Variants in TENM1 observed in about 807,000 individuals in gnomAD.
The protein encoded by TENM1 is teneurin transmembrane protein 1, also known as teneurin-1.
Under a neutral mutation model 174.8 loss-of-function variants are expected in TENM1, and 35 were observed. The observed-to-expected ratio is 0.20, with a 90% CI of 0.15 to 0.27. TENM1 has a LOEUF of 0.27. TENM1 is among the 10% of genes least tolerant of loss of function. The pLI, the probability that TENM1 is intolerant of heterozygous loss-of-function variation, is 1.00. For synonymous variants in TENM1, 781 were observed against 798.7 expected (o/e 0.98, Z 0.37); for missense variants, 1,633 against 2,130.1 (o/e 0.77, Z 4.59).
At position 124,618,957 on chromosome X, in the gene TENM1, C is replaced by T. The variant is rs187414869; in HGVS notation, c.2077+22834G>A. On this transcript the variant is annotated intron_variant, in intron 11 of 31. Transcript: ENST00000422452. Reference sequence around the variant, plus strand: ...AGCTAGCAGGGTATGGTGGAGCACACTTGTAGTCCTAGCTACTCAGGAGGC... The same window carrying T: ...AGCTAGCAGGGTATGGTGGAGCACATTTGTAGTCCTAGCTACTCAGGAGGC... 1.4e-4 allele frequency among the ~76,000 whole-genome samples: 16 copies of T among 111,384 alleles called. No individual in the cohort carries two copies. In the East Asian group the frequency reaches 3.9e-3, roughly 27 times the overall value.
the TENM1 span, among the ~76,000 whole-genome samples, chrX:125,114,300 G>A: frequency 6.8e-4 from 76 of 111,604 alleles, no homozygotes; most frequent in African/African-American, 2.4e-3. Context: ...ATGCCCACAG[G>A]AGAAAGCAGA....
chrX:124,434,009 G>C (rs1331064804), intron 23 of TENM1, among the ~76,000 whole-genome samples: 1 of 111,861 alleles, frequency 8.9e-6, no homozygotes, highest in Non-Finnish European at 1.9e-5. Context: ...GAATTCCCAA[G>C]TCTCTTTCAG....
chrX:124,553,843 G>A (rs999893205), intron 14 of TENM1, among the ~76,000 whole-genome samples: 10 of 111,599 alleles, frequency 9.0e-5, no homozygotes, highest in African/African-American at 2.9e-4. Context: ...GGTGGCTTAC[G>A]CCTGTAATCC....
chrX:124,499,849 T>C (rs987605571), intron 19 of TENM1, among the ~76,000 whole-genome samples: 3 of 112,043 alleles, frequency 2.7e-5, no homozygotes, highest in Admixed American at 9.5e-5. Flanking sequence ...TGTCAGTATT[T>C]CAGCAATGCA....
the TENM1 span, among the ~76,000 whole-genome samples, chrX:124,980,659 A>T: frequency 1.8e-5 from 2 of 111,748 alleles, no homozygotes; most frequent in African/African-American, 6.5e-5. Flanking sequence ...AAATGAAAAA[A>T]TGTTAATATT....
intron 3 of TENM1, among the ~76,000 whole-genome samples, chrX:124,841,132 C>G (rs1317835483): frequency 9.0e-6 from 1 of 111,662 alleles, no homozygotes; most frequent in African/African-American, 3.2e-5. Flanking sequence ...TAACTCGATA[C>G]TTTTTACTAA....
the TENM1 span, among the ~76,000 whole-genome samples, chrX:125,133,703 G>A: frequency 8.9e-6 from 1 of 111,783 alleles, no homozygotes. Flanking sequence ...TCCCAGTTGA[G>A]ACCAGTATAG....
intron 11 of TENM1, among the ~76,000 whole-genome samples, chrX:124,580,270 C>A (rs1292123128): frequency 9.0e-6 from 1 of 110,846 alleles, no homozygotes; most frequent in Non-Finnish European, 1.9e-5. Flanking sequence ...TACTATTCAA[C>A]CTTAAAAAAG....
chrX:124,757,544 G>A (rs993576714), intron 3 of TENM1, among the ~76,000 whole-genome samples: 8 of 112,427 alleles, frequency 7.1e-5, no homozygotes, highest in South Asian at 7.3e-4. Context: ...AGATGAACCC[G>A]GTACCTCTGA....
exon 4 of TENM1, chrX:124,737,062 C>T (rs766565169): frequency 1.2e-5 from 15 of 1,209,236 alleles, no homozygotes; most frequent in South Asian, 7.1e-5. Context: ...GGGCTGGCTG[C>T]GGGTAGTCAT....
intron 1 of TENM1, among the ~76,000 whole-genome samples, chrX:124,943,813 T>G (rs886262149): frequency 6.2e-5 from 7 of 112,102 alleles, no homozygotes; most frequent in Non-Finnish European, 1.3e-4. Flanking sequence ...AATTGTTTAC[T>G]TTTATTATTT....
At chrX:124,461,960 G>A (rs974600481) in intron 22 of TENM1, among the ~76,000 whole-genome samples, 27 of 111,618 alleles carry the variant, frequency 2.4e-4, no homozygotes, top group African/African-American at 8.1e-4. Flanking sequence ...TTATACAAAT[G>A]TATGAAATTA....
At chrX:124,945,195 A>C (rs942217972) in intron 1 of TENM1, among the ~76,000 whole-genome samples, 2 of 111,968 alleles carry the variant, frequency 1.8e-5, no homozygotes, top group South Asian at 3.8e-4. Flanking sequence ...TATCAAGGGA[A>C]AGAACATTTC....
At chrX:124,443,836 T>C (rs893480741) in intron 23 of TENM1, among the ~76,000 whole-genome samples, 1 of 111,941 alleles carries the variant, frequency 8.9e-6, no homozygotes, top group Non-Finnish European at 1.9e-5. Flanking sequence ...GGGGGAAATA[T>C]CAGTGAAGAG....
intron 3 of TENM1, among the ~76,000 whole-genome samples, chrX:124,751,506 T>A (rs897647567): frequency 3.6e-5 from 4 of 110,835 alleles, no homozygotes; most frequent in Non-Finnish European, 3.8e-5. Context: ...TTATTATTAT[T>A]ATACTTTAAG....
At chrX:124,960,237 T>C (rs1351941687) in intron 1 of TENM1, among the ~76,000 whole-genome samples, 1 of 112,080 alleles carries the variant, frequency 8.9e-6, no homozygotes, top group Non-Finnish European at 1.9e-5. Flanking sequence ...TTGCACTTGC[T>C]TATCTGCTCT....
intron 10 of TENM1, among the ~76,000 whole-genome samples, chrX:124,643,207 T>C (rs1313960649): frequency 7.1e-5 from 8 of 112,051 alleles, no homozygotes; most frequent in Non-Finnish European, 1.3e-4. Context: ...ATAATTTTAA[T>C]AAAGTAGTAT....
exon 25 of TENM1, chrX:124,420,784 G>A (rs1386824157): frequency 8.3e-7 from 1 of 1,208,583 alleles, no homozygotes; most frequent in South Asian, 1.8e-5. Context: ...AGGAGGAAGG[G>A]GCTTTCATCT....
chrX:125,090,275 A>C, the TENM1 span, among the ~76,000 whole-genome samples: 1 of 111,785 alleles, frequency 8.9e-6, no homozygotes, highest in Non-Finnish European at 1.9e-5. Flanking sequence ...TGACTAAGGC[A>C]TGATGTTCAC....
Sources: allele counts gnomAD v4.1 joint callset (sites outside exome capture counted in the v4.1 genomes callset), GRCh38; gene constraint gnomAD v4.1.1; transcripts MANE v1.5; gene names NCBI Gene and HGNC (gene_info 2026-07-23, HGNC 2026-07-21).